The following MX2 variants were observed in gnomAD, a reference collection of about 807,000 sequenced individuals.
The protein encoded by MX2 is interferon-induced GTP-binding protein Mx2.
In MX2, 51 loss-of-function variants were observed where a neutral mutation model predicts 74.0. That is an observed-to-expected ratio of 0.69 (90% confidence interval 0.55 to 0.87). MX2 has a LOEUF of 0.87. Among genes scored for constraint, MX2 ranks in the 40% least tolerant of loss-of-function variants. The probability of loss-of-function intolerance (pLI) is 0.00; values close to 1 mark genes in which losing one functional copy is unlikely to be tolerated. For synonymous variants in MX2, 369 were observed against 339.3 expected (o/e 1.09, Z -0.96); for missense variants, 832 against 908.7 (o/e 0.92, Z 1.09).
At chr21:41,400,411 C>A (rs1484726867) in intron 10 of MX2, among the ~76,000 whole-genome samples, 1 of 152,138 alleles carries the variant, frequency 6.6e-6, no homozygotes. Flanking sequence ...CAGAGAGATT[C>A]TTGGTTTGAC....
chr21:41,402,800 C>T lies in MX2; in HGVS notation c.1574-467C>T, dbSNP rs2089831339. ...GTGATGGGAGACAGTGACAGATCGT[C>T]AGGCATTAGATTCTCATAAGGAACA... On this transcript the variant is annotated intron_variant, in intron 11 of 13. Transcript: ENST00000330714. This position sits in a 1 kb window ranked among gnomAD's most constrained non-coding sequence, Gnocchi z 4.5. 5.9e-6 allele frequency: 1 copy of T among 170,186 alleles called. No individual in the cohort carries two copies. Among genetic ancestry groups the T allele is most frequent in the African/African-American group, 2.4e-5 (1 of 42,044 alleles). The allele number at this position is 170,186 out of a possible 1,614,324, so 10.5% of individuals were successfully genotyped here.
At chr21:41,364,251 G>A (rs1284363138) in intron 1 of MX2, 1 of 152,242 alleles carries the variant, frequency 6.6e-6, no homozygotes, top group Admixed American at 6.5e-5. Context: ...CTGGAAAGAG[G>A]GATTTCTCTT....
At position 41,368,275 on chromosome 21, in the gene MX2, C is replaced by A. The variant is rs1218227014; in HGVS notation, c.-72+6220C>A. Among the ~76,000 whole-genome samples, 1 of 152,222 alleles carries A rather than the reference C, an allele frequency of 6.6e-6. No individual in the cohort carries two copies. Among genetic ancestry groups the A allele is most frequent in the Non-Finnish European group, 1.5e-5 (1 of 68,032 alleles). ...TGTCGTCTCCGTGAGCCTGCAGGGG[C>A]ACCCAGCCAGCCGACAGGCTCCCGA... On this transcript the variant is annotated intron_variant, in intron 1 of 13. Transcript: ENST00000330714. The surrounding 1 kb of genome is among the most constrained non-coding windows in gnomAD (Gnocchi z 4.6).
chr21:41,396,423 G>A (rs767077402), intron 7 of MX2, among the ~76,000 whole-genome samples: 11 of 152,180 alleles, frequency 7.2e-5, no homozygotes, highest in Admixed American at 6.5e-4. Context: ...TCTGGAACTT[G>A]TTGTTCCTGA....
At position 41,395,576 on chromosome 21, in the gene MX2, C is replaced by T. The variant is rs2089723261; in HGVS notation, c.872-11C>T. 4 of 1,613,376 alleles carry T rather than the reference C, an allele frequency of 2.5e-6. No homozygotes were observed. The African/African-American group carries it at 4.0e-5, about 16-fold the overall frequency. ...TGACCTTTCCATTTCCCTTCTTTAA[C>T]CATCTCACAGGTATCCTGACCAAAC... On this transcript the variant is annotated splice_polypyrimidine_tract_variant and intron_variant, in intron 6 of 13. Transcript: ENST00000330714.
Position 41,377,820 on chromosome 21 carries a change from A to C in MX2, c.281A>C (p.Glu94Ala). 1 of 1,613,800 alleles carries C rather than the reference A, an allele frequency of 6.2e-7. No individual in the cohort carries two copies. Among genetic ancestry groups the C allele is most frequent in the Non-Finnish European group, 8.5e-7 (1 of 1,179,726 alleles). Reference sequence around the variant, plus strand: ...GAGAACAACCTGTACAGCCAGTACGAGCAGAAGGTGCGCCCCTGCATTGAC... The same window carrying C: ...GAGAACAACCTGTACAGCCAGTACGCGCAGAAGGTGCGCCCCTGCATTGAC... Reference protein sequence around the residue: ...GPENNLYSQYEQKVRPCIDLI... With the variant: ...GPENNLYSQYAQKVRPCIDLI... Residue 94 changes from glutamate to alanine, a missense_variant, in exon 3 of 14, where the codon GAG (glutamate) becomes GCG (alanine). Transcript: ENST00000330714.
intron 1 of MX2, among the ~76,000 whole-genome samples, chr21:41,362,281 G>A (rs1407797868): frequency 1.1e-4 from 16 of 152,122 alleles, no homozygotes; most frequent in Non-Finnish European, 1.0e-4. Context: ...TGGAGGGGAA[G>A]TGGCTGGCCC....
chr21:41,381,984 C>A (rs1175855382), intron 4 of MX2, among the ~76,000 whole-genome samples: 2 of 152,212 alleles, frequency 1.3e-5, no homozygotes, highest in African/African-American at 4.8e-5. Context: ...TAGTCACACA[C>A]CATCACCTCC....
Position 41,408,426 on chromosome 21 carries a change from TC to T in MX2, c.*196del, listed in dbSNP as rs752325245. 18 of 712,752 alleles carry T rather than the reference TC, an allele frequency of 2.5e-5. No individual in the cohort carries two copies. Among genetic ancestry groups the T allele is most frequent in the Non-Finnish European group, 3.6e-5 (16 of 445,556 alleles). 44.2% of individuals were successfully genotyped at this position (712,752 alleles called of 1,614,324 possible). On this transcript the variant is annotated 3_prime_UTR_variant, in exon 14 of 14. Transcript: ENST00000330714. ...TCAGCTCTCTCCACCACCCAGCTCT[TC>T]CCTGACCTTCACGAAGGGATGGCTC...
rs2089891563 is a variant in MX2 at position 41,406,789 on chromosome 21, A to G, written c.1696A>G (p.Asn566Asp). The G allele has an allele frequency of 1.9e-6, 3 of 1,614,168 alleles. No individual in the cohort carries two copies. Among genetic ancestry groups the G allele is most frequent in the Non-Finnish European group, 2.5e-6 (3 of 1,180,062 alleles). The change falls in exon 13 of 14, where the codon AAC becomes GAC. Residue 566 changes from asparagine to aspartate, a missense_variant. Physicochemically the swap from Asn to Asp is conservative, Grantham distance 23. Transcript: ENST00000330714. Reference protein sequence around the residue: ...IKVKHTAKAENMIQLQFRMEQ... With the variant: ...IKVKHTAKAEDMIQLQFRMEQ... ...AGTGAAACACACAGCAAAGGCAGAA[A>G]ACATGATCCAACTTCAGTTCAGAAT...
chr21:41,381,461 G>A (rs936066815), intron 4 of MX2, among the ~76,000 whole-genome samples: 2 of 152,112 alleles, frequency 1.3e-5, no homozygotes, highest in Non-Finnish European at 2.9e-5. Flanking sequence ...CGAGGCAGGC[G>A]GATCACGAGG....
chr21:41,394,581 A>G (rs17000872), intron 6 of MX2, among the ~76,000 whole-genome samples: 3,185 of 152,206 alleles, frequency 0.021, 129 homozygotes, highest in African/African-American at 0.072. Flanking sequence ...ATTTATCTGG[A>G]AAGAGAGGTT....
At chr21:41,406,062 C>T (rs1369163953) in intron 12 of MX2, among the ~76,000 whole-genome samples, 1 of 151,974 alleles carries the variant, frequency 6.6e-6, no homozygotes. Context: ...CATGATAGCT[C>T]ACTGCAACCT....
At chr21:41,378,116 A>G in intron 3 of MX2, 135 bp downstream of exon 3, 1 of 1,148,704 alleles carries the variant, frequency 8.7e-7, no homozygotes, top group Non-Finnish European at 1.2e-6. Flanking sequence ...GCTGGGAGAG[A>G]GGCCGCTGAG....
chr21:41,385,848 C>T (rs564240902), intron 5 of MX2, among the ~76,000 whole-genome samples: 1 of 152,220 alleles, frequency 6.6e-6, no homozygotes, highest in South Asian at 2.1e-4. Context: ...AATCACACAT[C>T]ACCATAACAG....
chr21:41,381,674 G>A (rs2089495055), intron 4 of MX2, among the ~76,000 whole-genome samples: 1 of 115,156 alleles, frequency 8.7e-6, no homozygotes, highest in Admixed American at 1.1e-4. Flanking sequence ...GACAGAGCGA[G>A]ACTCTGTCTC....
Position 41,401,993 on chromosome 21 carries a change from G to A in MX2, c.1438G>A (p.Val480Ile). 1 of 1,613,680 alleles carries A rather than the reference G, an allele frequency of 6.2e-7. No homozygotes were observed. Among genetic ancestry groups the A allele is most frequent in the Non-Finnish European group, 8.5e-7 (1 of 1,179,916 alleles). ...QKVKNIIHEE[V>I]EKYEKQYRGK... ...AGTTAAAAATATTATCCACGAAGAA[G>A]TTGAAAAATATGAAAAGCAGTATCG... The change falls in exon 11 of 14, where the codon GTT becomes ATT. Residue 480 changes from valine to isoleucine, a missense_variant. Coordinates refer to ENST00000330714, the MANE Select transcript of MX2 (RefSeq NM_002463.2).
chr21:41,373,862 G>A (rs1180785212), intron 1 of MX2: 4 of 148,702 alleles, frequency 2.7e-5, no homozygotes, highest in African/African-American at 1.0e-4. Context: ...TCCCAGCCGG[G>A]CCTCGATGGC....
chr21:41,395,890 G>A (rs995244118), intron 7 of MX2, 105 bp downstream of exon 7: 7 of 1,146,088 alleles, frequency 6.1e-6, no homozygotes, highest in Non-Finnish European at 7.6e-6. Flanking sequence ...ATTACACAAG[G>A]TAGTATAACC....
Sources: allele counts gnomAD v4.1 joint callset (sites outside exome capture counted in the v4.1 genomes callset), GRCh38; gene constraint gnomAD v4.1.1; non-coding constraint Gnocchi (gnomAD v3.1); transcripts MANE v1.5; gene names NCBI Gene and HGNC (gene_info 2026-07-23, HGNC 2026-07-21).